The following KREMEN2 variants were observed in gnomAD, a reference collection of about 807,000 sequenced individuals.
KREMEN2 encodes kremen protein 2.
Under a neutral mutation model 49.8 loss-of-function variants are expected in KREMEN2, and 43 were observed. That is an observed-to-expected ratio of 0.86 (90% CI 0.68 to 1.11). The LOEUF (loss-of-function observed/expected upper bound fraction) is 1.11, where lower values mean the gene tolerates loss of function less well. Ranked by LOEUF, KREMEN2 falls within the 50% of genes most tolerant of loss-of-function variation. The pLI is 0.00. For missense variants in KREMEN2, 686 were observed against 665.7 expected, an observed-to-expected ratio of 1.03 and a Z score of -0.34; for synonymous variants, 355 against 304.9, an observed-to-expected ratio of 1.16 and a Z score of -1.71.
chr16:2,966,254 G>A lies in KREMEN2; in HGVS notation c.361+23G>A, dbSNP rs1596426593. 1.9e-6 allele frequency: 3 copies of A among 1,613,368 alleles called. No homozygotes were observed. Among genetic ancestry groups the A allele is most frequent in the African/African-American group, 2.7e-5 (2 of 75,026 alleles). ...ACAGTGAGTAGCGCGGCTGGACAGA[G>A]GTGGGAACGCTGCTGCATCTGGGAG... On this transcript the variant is annotated intron_variant, in intron 3 of 8. Coordinates refer to ENST00000303746, the MANE Select transcript of KREMEN2 (RefSeq NM_172229.3). The surrounding 1 kb of genome is among the most constrained non-coding windows in gnomAD (Gnocchi z 8.4).
chr16:2,967,125 T>C lies in KREMEN2; in HGVS notation c.856T>C (p.Phe286Leu). Reference sequence around the variant, plus strand: ...GGCTTCGGGCAGCCTGCTCCGCGCCTTCGATGGCGCCCGCCCACCGCCGTC... The same window carrying C: ...GGCTTCGGGCAGCCTGCTCCGCGCCCTCGATGGCGCCCGCCCACCGCCGTC... The part of the protein sequence containing the change: ...DAASGSLLRA[F>L]DGARPPPSGP... The change falls in exon 6 of 9, where the codon TTC becomes CTC. Residue 286 changes from phenylalanine (F) to leucine (L), a missense_variant. Physicochemically the swap from Phe to Leu is conservative, Grantham distance 22. Coordinates refer to ENST00000303746, the MANE Select transcript of KREMEN2 (RefSeq NM_172229.3). 1 of 1,417,504 alleles carries C rather than the reference T, an allele frequency of 7.1e-7. No individual in the cohort carries two copies. The highest frequency in any genetic ancestry group is 9.1e-7 in the Non-Finnish European group (1 of 1,094,118). The allele number at this position is 1,417,504 out of a possible 1,614,324, so 87.8% of individuals were successfully genotyped here.
chr16:2,965,152 T>C, intron 2 of KREMEN2, 119 bp downstream of exon 2: 1 of 168,632 alleles, frequency 5.9e-6, no homozygotes, highest in Non-Finnish European at 8.3e-6. Context: ...CCCAGCCTCC[T>C]GGAGAACCTG....
chr16:2,964,315 G>A lies in KREMEN2; in HGVS notation c.-206G>A, dbSNP rs570352029. Reference sequence around the variant, plus strand: ...AGACCCGGGTAGGGACAGGGACAGAGAGACGCCTCTAGGGGCAGAGGCCCT... The same window carrying A: ...AGACCCGGGTAGGGACAGGGACAGAAAGACGCCTCTAGGGGCAGAGGCCCT... On this transcript the variant is annotated 5_prime_UTR_variant, in exon 1 of 9. Coordinates refer to ENST00000303746, the MANE Select transcript of KREMEN2 (RefSeq NM_172229.3). 1 of 462,236 alleles carries A rather than the reference G, an allele frequency of 2.2e-6. No individual in the cohort carries two copies. The highest frequency in any genetic ancestry group is 3.5e-5 in the East Asian group (1 of 28,280). 28.6% of individuals were successfully genotyped at this position (462,236 alleles called of 1,614,324 possible).
In KREMEN2 at chr16:2,967,084, T is replaced by C. The variant is rs982149514; in HGVS notation, c.815T>C (p.Leu272Pro). 6.6e-7 allele frequency: 1 copy of C among 1,510,264 alleles called. No individual in the cohort carries two copies. The highest frequency in any genetic ancestry group is 8.8e-7 in the Non-Finnish European group (1 of 1,135,852). 93.6% of individuals were successfully genotyped at this position (1,510,264 alleles called of 1,614,324 possible). Residue 272 changes from leucine (L) to proline (P), a missense_variant, in exon 6 of 9, where the codon CTG (leucine) becomes CCG (proline). By Grantham distance (98) the Leu-to-Pro change is moderately conservative. Coordinates refer to ENST00000303746, the MANE Select transcript of KREMEN2 (RefSeq NM_172229.3). ...LFELADPRDR[L>P]ELRDAASGSL... ...GAGCTGGCCGACCCGCGCGACCGGC[T>C]GGAGCTGCGCGACGCGGCTTCGGGC...
Position 2,964,431 on chromosome 16 carries a change from C to A in KREMEN2, c.-90C>A. The A allele has an allele frequency of 2.3e-6, 2 of 863,042 alleles. No individual in the cohort carries two copies. The highest frequency in any genetic ancestry group is 3.6e-6 in the Non-Finnish European group (2 of 555,196). The allele number at this position is 863,042 out of a possible 1,614,324, so 53.5% of individuals were successfully genotyped here. Reference sequence around the variant, plus strand: ...GAGGGGAGACTGTCAGAGGACAACGCCCCCTAGGTCTCCTGGGAGACCCCG... The same window carrying A: ...GAGGGGAGACTGTCAGAGGACAACGACCCCTAGGTCTCCTGGGAGACCCCG... On this transcript the variant is annotated 5_prime_UTR_variant, in exon 1 of 9. Coordinates refer to ENST00000303746, the MANE Select transcript of KREMEN2 (RefSeq NM_172229.3).
At position 2,966,560 on chromosome 16, in the gene KREMEN2, G is replaced by A. The variant is rs1238976208; in HGVS notation, c.487-82G>A. On this transcript the variant is annotated intron_variant, in intron 4 of 8. Coordinates refer to ENST00000303746, the MANE Select transcript of KREMEN2 (RefSeq NM_172229.3). The surrounding 1 kb of genome is among the most constrained non-coding windows in gnomAD (Gnocchi z 8.4). The stretch of plus-strand genomic sequence containing the variant: ...ACACCGGTTTCTGAACCTCCAGCCC[G>A]ATTCCCACCCCGACCCCAGGCCCCC... 14 of 1,562,230 alleles carry A rather than the reference G, an allele frequency of 9.0e-6. No individual in the cohort carries two copies. Among genetic ancestry groups the A allele is most frequent in the African/African-American group, 4.0e-5 (3 of 74,122 alleles).
rs1212134765 is a variant in KREMEN2 at position 2,966,708 on chromosome 16, C to A, written c.553C>A (p.Leu185Met). 6.2e-7 allele frequency: 1 copy of A among 1,611,670 alleles called. No individual in the cohort carries two copies. The highest frequency in any genetic ancestry group is 1.6e-4 in the Middle Eastern group (1 of 6,062). The stretch of plus-strand genomic sequence containing the variant: ...TGAAAGCGACCTGGCCCGGGGACGC[C>A]TGGCCCCCGCCACCGACTGTGACCA... ...GSESDLARGR[L>M]APATDCDQIC... is the part of the protein sequence containing the mutation. The change falls in exon 5 of 9, where the codon CTG (leucine) becomes ATG (methionine). Residue 185 changes from leucine (L) to methionine (M), a missense_variant. Coordinates refer to ENST00000303746, the MANE Select transcript of KREMEN2 (RefSeq NM_172229.3). The surrounding 1 kb of genome is among the most constrained non-coding windows in gnomAD (Gnocchi z 8.4).
intron 2 of KREMEN2, 99 bp downstream of exon 2, chr16:2,965,132 G>A: frequency 1.1e-6 from 1 of 927,418 alleles, no homozygotes; most frequent in Non-Finnish European, 1.5e-6. Context: ...GGTCTGCCGT[G>A]GACTGGCAGC....
intron 6 of KREMEN2, 25 bp from the exon 7 acceptor site, chr16:2,967,295 C>A: frequency 7.3e-7 from 1 of 1,368,290 alleles, no homozygotes; most frequent in East Asian, 3.1e-5. Context: ...GCTCTCCCCA[C>A]CCCGCCTCAC....
In KREMEN2 at chr16:2,966,709, T is replaced by C. The variant is rs765821437; in HGVS notation, c.554T>C (p.Leu185Pro). The C allele has an allele frequency of 6.2e-7, 1 of 1,611,620 alleles. No homozygotes were observed. Among genetic ancestry groups the C allele is most frequent in the South Asian group, 1.1e-5 (1 of 91,070 alleles). ...GAAAGCGACCTGGCCCGGGGACGCC[T>C]GGCCCCCGCCACCGACTGTGACCAG... ...GSESDLARGR[L>P]APATDCDQIC... Residue 185 changes from leucine to proline, a missense_variant, in exon 5 of 9, where the codon CTG becomes CCG. By Grantham distance (98) the Leu-to-Pro change is moderately conservative (BLOSUM62 -3). Coordinates refer to ENST00000303746, the MANE Select transcript of KREMEN2 (RefSeq NM_172229.3). The surrounding 1 kb of genome is among the most constrained non-coding windows in gnomAD (Gnocchi z 8.4).
intron 1 of KREMEN2, 63 bp from the exon 2 acceptor site, chr16:2,964,796 G>T: frequency 5.1e-6 from 8 of 1,570,180 alleles, no homozygotes; most frequent in Non-Finnish European, 6.9e-6. Flanking sequence ...GGGAGGTGGC[G>T]TAGGGGCGCG....
At position 2,966,454 on chromosome 16, in the gene KREMEN2, T is replaced by G; in HGVS notation, c.486+5T>G. 6.2e-7 allele frequency: 1 copy of G among 1,609,928 alleles called. No homozygotes were observed. The highest frequency in any genetic ancestry group is 1.1e-5 in the South Asian group (1 of 90,992). Reference sequence around the variant, plus strand: ...TGCCGCATGAAGGGGTACCAGGTACTGCTCACGGGCCCAGACCAGTGACCC... The same window carrying G: ...TGCCGCATGAAGGGGTACCAGGTACGGCTCACGGGCCCAGACCAGTGACCC... On this transcript the variant is annotated splice_donor_5th_base_variant and intron_variant, in intron 4 of 8. Transcript: ENST00000303746. This position sits in a 1 kb window ranked among gnomAD's most constrained non-coding sequence, Gnocchi z 8.4.
In KREMEN2 at chr16:2,964,443, C is replaced by T; in HGVS notation, c.-78C>T. 2 of 1,039,914 alleles carry T rather than the reference C, an allele frequency of 1.9e-6. No individual in the cohort carries two copies. The highest frequency in any genetic ancestry group is 2.8e-6 in the Non-Finnish European group (2 of 713,262). 64.4% of individuals were successfully genotyped at this position (1,039,914 alleles called of 1,614,324 possible). A position where few individuals can be genotyped will look rare whatever the true frequency, so the allele number is the denominator to read the frequency against. ...TCAGAGGACAACGCCCCCTAGGTCT[C>T]CTGGGAGACCCCGAAGCGACCCCGG... On this transcript the variant is annotated 5_prime_UTR_variant, in exon 1 of 9. Transcript: ENST00000303746.
rs1200797382 is a variant in KREMEN2, at chr16:2,967,022, GC to G, written c.755del (p.Pro252GlnfsTer101). 1.3e-6 allele frequency: 2 copies of G among 1,545,186 alleles called. No individual in the cohort carries two copies. Among genetic ancestry groups the G allele is most frequent in the African/African-American group, 1.4e-5 (1 of 72,652 alleles). On this transcript the variant is annotated frameshift_variant, in exon 6 of 9. Coordinates refer to ENST00000303746, the MANE Select transcript of KREMEN2 (RefSeq NM_172229.3). LOFTEE classifies it high-confidence loss of function. ...DRNCSWALGP[P>X]GAALELTFRL... ...GGAACTGCAGCTGGGCCCTGGGCCC[GC>G]CAGGCGCCGCGCTGGAGCTCACCTT...
rs1567371548 is a variant in KREMEN2, at chr16:2,966,054, C to T, written c.270-86C>T. 8.2e-6 allele frequency: 10 copies of T among 1,215,370 alleles called. No individual in the cohort carries two copies. In the East Asian group the frequency reaches 1.2e-4, roughly 14 times the overall value. 75.3% of individuals were successfully genotyped at this position (1,215,370 alleles called of 1,614,324 possible). On this transcript the variant is annotated intron_variant, in intron 2 of 8. Coordinates refer to ENST00000303746, the MANE Select transcript of KREMEN2 (RefSeq NM_172229.3). The surrounding 1 kb of genome is among the most constrained non-coding windows in gnomAD (Gnocchi z 8.4). ...GCTCACAGGCACAGAGCCTTGAAGG[C>T]CACTTTGAGCATAGGCTGCGGGGCC...
chr16:2,966,425 C>T lies in KREMEN2; in HGVS notation c.462C>T (p.Arg154=). 6.2e-7 allele frequency: 1 copy of T among 1,611,042 alleles called. No individual in the cohort carries two copies. Among genetic ancestry groups the T allele is most frequent in the Non-Finnish European group, 8.5e-7 (1 of 1,180,010 alleles). The change falls in exon 4 of 9, where the codon CGC becomes CGT. Residue 154 remains arginine, a synonymous_variant. Transcript: ENST00000303746. The surrounding 1 kb of genome is among the most constrained non-coding windows in gnomAD (Gnocchi z 8.4). Reference sequence around the variant, plus strand: ...AGCTCACGGTCCAGGTGTGCCTACGCTTCTGCCGCATGAAGGGGTACCAGG... The same window carrying T: ...AGCTCACGGTCCAGGTGTGCCTACGTTTCTGCCGCATGAAGGGGTACCAGG... ...STKLTVQVCL[R]FCRMKGYQLA...
In KREMEN2 at chr16:2,967,015, T is replaced by C; in HGVS notation, c.746T>C (p.Leu249Pro). 1 of 1,547,512 alleles carries C rather than the reference T, an allele frequency of 6.5e-7. No homozygotes were observed. Among genetic ancestry groups the C allele is most frequent in the East Asian group, 2.4e-5 (1 of 40,952 alleles). ...YGPDRNCSWA[L>P]GPPGAALELT... ...CCGGACCGGAACTGCAGCTGGGCCCTGGGCCCGCCAGGCGCCGCGCTGGAG... is the reference window on the plus strand; with the variant it reads ...CCGGACCGGAACTGCAGCTGGGCCCCGGGCCCGCCAGGCGCCGCGCTGGAG... The change falls in exon 6 of 9, where the codon CTG becomes CCG. Residue 249 changes from leucine (L) to proline (P), a missense_variant. By Grantham distance (98) the Leu-to-Pro change is moderately conservative. Transcript: ENST00000303746.
chr16:2,966,101 G>C lies in KREMEN2; in HGVS notation c.270-39G>C. The C allele has an allele frequency of 2.5e-6, 4 of 1,573,448 alleles. No individual in the cohort carries two copies. The highest frequency in any genetic ancestry group is 3.5e-6 in the Non-Finnish European group (4 of 1,146,156). On this transcript the variant is annotated intron_variant, in intron 2 of 8. Coordinates refer to ENST00000303746, the MANE Select transcript of KREMEN2 (RefSeq NM_172229.3). This position sits in a 1 kb window ranked among gnomAD's most constrained non-coding sequence, Gnocchi z 8.4. Reference sequence around the variant, plus strand: ...GGCCGGGCCTGGGTTTGCTATTCTTGGGGTGGTGGGAGCCCCACCACCTCC... The same window carrying C: ...GGCCGGGCCTGGGTTTGCTATTCTTCGGGTGGTGGGAGCCCCACCACCTCC...
rs747575870 is a variant in KREMEN2, at chr16:2,966,096, T to C, written c.270-44T>C. 1 of 1,566,446 alleles carries C rather than the reference T, an allele frequency of 6.4e-7. No homozygotes were observed. Among genetic ancestry groups the C allele is most frequent in the Middle Eastern group, 2.2e-4 (1 of 4,520 alleles). ...TGCGGGGCCGGGCCTGGGTTTGCTA[T>C]TCTTGGGGTGGTGGGAGCCCCACCA... is the stretch of plus-strand genomic sequence containing the variant. On this transcript the variant is annotated intron_variant, in intron 2 of 8. Coordinates refer to ENST00000303746, the MANE Select transcript of KREMEN2 (RefSeq NM_172229.3). The surrounding 1 kb of genome is among the most constrained non-coding windows in gnomAD (Gnocchi z 8.4).
Sources: gnomAD v4.1 joint callset for allele counts on GRCh38, gnomAD v4.1.1 for gene constraint, Gnocchi (gnomAD v3.1) non-coding constraint, MANE v1.5 for transcripts, NCBI Gene and HGNC (gene_info 2026-07-23, HGNC 2026-07-21) for gene names.